SLC17A6: variants seen among roughly 807,000 people sequenced by gnomAD.
SLC17A6 encodes vesicular glutamate transporter 2.
A neutral mutation model predicts 67.1 loss-of-function variants in SLC17A6; 35 were observed. The ratio of observed to expected loss-of-function variants is 0.52; its 90% CI spans 0.40 to 0.69. The LOEUF (loss-of-function observed/expected upper bound fraction) is 0.69. Among genes scored for constraint, SLC17A6 ranks in the 30% least tolerant of loss-of-function variants. SLC17A6 has a pLI of 0.00. For synonymous variants in SLC17A6, 285 were observed against 252.3 expected, an observed-to-expected ratio of 1.13 and a Z score of -1.23; for missense variants, 588 against 723.9, an observed-to-expected ratio of 0.81 and a Z score of 2.15.
At chr11:22,360,264 G>A (rs1166434935) in intron 4 of SLC17A6, among the ~76,000 whole-genome samples, 2 of 152,034 alleles carry the variant, frequency 1.3e-5, no homozygotes. Context: ...CTTATAAATG[G>A]GAGCTGAACA....
intron 3 of SLC17A6, among the ~76,000 whole-genome samples, chr11:22,343,822 C>A (rs903165294): frequency 6.6e-6 from 1 of 152,152 alleles, no homozygotes; most frequent in South Asian, 2.1e-4. Flanking sequence ...CCCCGTCCCC[C>A]GCCCAGTTGG....
At chr11:22,344,475 G>A (rs1056542970) in intron 3 of SLC17A6, among the ~76,000 whole-genome samples, 24 of 152,114 alleles carry the variant, frequency 1.6e-4, no homozygotes, top group Non-Finnish European at 2.9e-5. Context: ...CAGGGCCTGG[G>A]GAGGAATTCT....
chr11:22,350,206 G>A (rs1855923040), intron 3 of SLC17A6, among the ~76,000 whole-genome samples: 1 of 152,136 alleles, frequency 6.6e-6, no homozygotes, highest in African/African-American at 2.4e-5. Flanking sequence ...AGCTGCATTT[G>A]CCTTTCCAAA....
chr11:22,348,327 G>T (rs900656921), intron 3 of SLC17A6, among the ~76,000 whole-genome samples: 1 of 152,152 alleles, frequency 6.6e-6, no homozygotes, highest in Non-Finnish European at 1.5e-5. Flanking sequence ...ATGAATTAGC[G>T]AGAGAAGCCT....
At chr11:22,355,951 AC>A in intron 3 of SLC17A6, among the ~76,000 whole-genome samples, 1 of 152,186 alleles carries the variant, frequency 6.6e-6, no homozygotes, top group South Asian at 2.1e-4. Flanking sequence ...TCTCTGGACT[AC>A]TGGTCTCTCC....
intron 3 of SLC17A6, among the ~76,000 whole-genome samples, chr11:22,354,236 G>A (rs867818324): frequency 6.6e-6 from 1 of 151,742 alleles, no homozygotes; most frequent in South Asian, 2.1e-4. Context: ...GGTGCCCACC[G>A]CCACACGCAG....
intron 3 of SLC17A6, among the ~76,000 whole-genome samples, chr11:22,351,888 A>G (rs1157089386): frequency 6.7e-6 from 1 of 149,026 alleles, no homozygotes; most frequent in East Asian, 1.9e-4. Flanking sequence ...GGGATAATAA[A>G]ACTCACATGA....
chr11:22,341,862 C>T (rs1434760242), intron 2 of SLC17A6, 82 bp downstream of exon 2: 14 of 1,537,798 alleles, frequency 9.1e-6, no homozygotes, highest in African/African-American at 1.4e-5. Context: ...GAGCCCCGTT[C>T]CCCCGCCACT....
chr11:22,377,617 G>A lies in SLC17A6; in HGVS notation c.1626G>A (p.Lys542=). 6.2e-7 allele frequency: 1 copy of A among 1,614,100 alleles called. No individual in the cohort carries two copies. Among genetic ancestry groups the A allele is most frequent in the Non-Finnish European group, 8.5e-7 (1 of 1,179,990 alleles). ...ATTATATAAATTATGGTACCACCAA[G>A]TCTTATGGTGCCACAACACAGGCCA... ...TQNYINYGTT[K]SYGATTQANG... The change falls in exon 12 of 12, where the codon AAG becomes AAA. Residue 542 remains lysine (K), a synonymous_variant. Coordinates refer to ENST00000263160, the MANE Select transcript of SLC17A6 (RefSeq NM_020346.3).
At position 22,349,459 on chromosome 11, in the gene SLC17A6, G is replaced by T. The variant is rs138685266; in HGVS notation, c.458+6094G>T. ...ATAAGATGAATAGATGGATTGAGGA[G>T]GGAGGGGTCTCCAAGGGCTTGCATG... On this transcript the variant is annotated intron_variant, in intron 3 of 11. Coordinates refer to ENST00000263160, the MANE Select transcript of SLC17A6 (RefSeq NM_020346.3). Among the ~76,000 whole-genome samples the T allele has an allele frequency of 3.3e-3, 509 of 152,314 alleles. 1 individual carries two copies. The highest frequency in any genetic ancestry group is 0.012 in the African/African-American group (480 of 41,580).
chr11:22,348,015 C>G (rs1299966810), intron 3 of SLC17A6, among the ~76,000 whole-genome samples: 1 of 152,076 alleles, frequency 6.6e-6, no homozygotes, highest in Admixed American at 6.6e-5. Flanking sequence ...TAGTGAACCC[C>G]ACAACAGGAA....
At chr11:22,356,402 A>G (rs932286043) in intron 3 of SLC17A6, among the ~76,000 whole-genome samples, 1 of 152,224 alleles carries the variant, frequency 6.6e-6, no homozygotes, top group Non-Finnish European at 1.5e-5. Context: ...AATTACTTAG[A>G]TATTAATTAG....
rs1855815790 is a variant in SLC17A6 at position 22,341,552 on chromosome 11, C to T, written c.111C>T (p.Thr37=). Residue 37 remains threonine (T), a synonymous_variant, in exon 2 of 12, where the codon ACC becomes ACT. Transcript: ENST00000263160. ...IYRVLEKKQD[T]GETIELTEDG... ...GGGTGCTGGAGAAGAAGCAAGACAC[C>T]GGGGAGACAATCGAGCTGACGGAGG... The T allele has an allele frequency of 3.1e-6, 5 of 1,613,776 alleles. No homozygotes were observed. Among genetic ancestry groups the T allele is most frequent in the Non-Finnish European group, 4.2e-6 (5 of 1,180,018 alleles).
chr11:22,368,134 A>T (rs1856133876), intron 7 of SLC17A6, among the ~76,000 whole-genome samples: 1 of 152,132 alleles, frequency 6.6e-6, no homozygotes, highest in Non-Finnish European at 1.5e-5. Flanking sequence ...TATCTAGAAA[A>T]ATGATATTCT....
chr11:22,369,933 C>T (rs1019958905), intron 7 of SLC17A6, 106 bp from the exon 8 acceptor site: 13 of 1,037,682 alleles, frequency 1.3e-5, no homozygotes, highest in Non-Finnish European at 1.7e-5. Context: ...CTACTTCCTA[C>T]TTATGACCTG....
rs765872923 is a variant in SLC17A6, at chr11:22,341,524, G to T, written c.87-4G>T. The T allele has an allele frequency of 1.7e-5, 27 of 1,612,356 alleles. No individual in the cohort carries two copies. The South Asian group carries it at 2.4e-4, about 14-fold the overall frequency. Reference sequence around the variant, plus strand: ...CCTTGACTCGCCCCTGCTCTGCCGCGCAGGGTGCTGGAGAAGAAGCAAGAC... The same window carrying T: ...CCTTGACTCGCCCCTGCTCTGCCGCTCAGGGTGCTGGAGAAGAAGCAAGAC... On this transcript the variant is annotated splice_polypyrimidine_tract_variant and splice_region_variant and intron_variant, in intron 1 of 11. Transcript: ENST00000263160.
intron 8 of SLC17A6, among the ~76,000 whole-genome samples, chr11:22,372,924 C>T (rs1404462610): frequency 1.3e-5 from 2 of 152,114 alleles, no homozygotes; most frequent in African/African-American, 4.8e-5. Flanking sequence ...CTCTTTGGCT[C>T]TTTTGAGGTC....
intron 2 of SLC17A6, chr11:22,342,952 CG>C (rs1053979001): frequency 1.9e-6 from 1 of 515,230 alleles, no homozygotes; most frequent in Non-Finnish European, 3.8e-6. Flanking sequence ...ATTTCCAAGA[CG>C]GGGGCCCTCT....
chr11:22,361,176 T>G lies in SLC17A6; in HGVS notation c.661+192T>G, dbSNP rs538623566. ...TTTGCTTAAATCTTCTATTTATTCT[T>G]GTGTTTGTATTTTTCTAGGAATTGA... On this transcript the variant is annotated intron_variant, in intron 5 of 11. Transcript: ENST00000263160. 11 of 496,538 alleles carry G rather than the reference T, an allele frequency of 2.2e-5. No homozygotes were observed. The East Asian group carries it at 3.4e-4, about 15-fold the overall frequency. The allele number at this position is 496,538 out of a possible 1,614,324, so 30.8% of individuals were successfully genotyped here.
Sources: allele counts gnomAD v4.1 joint callset (sites outside exome capture counted in the v4.1 genomes callset), GRCh38; gene constraint gnomAD v4.1.1; transcripts MANE v1.5; gene names NCBI Gene and HGNC (gene_info 2026-07-23, HGNC 2026-07-21).